Variants in MAGI3 observed in about 807,000 individuals in gnomAD.
MAGI3 encodes the protein membrane associated guanylate kinase, WW and PDZ domain containing 3, also known as membrane-associated guanylate kinase, WW and PDZ domain-containing protein 3.
MAGI3 carries 43 observed loss-of-function variants against 121.8 expected under a neutral mutation model. The observed-to-expected ratio is 0.35, with a 90% CI of 0.28 to 0.46. The LOEUF (loss-of-function observed/expected upper bound fraction) is 0.46, where lower values mean the gene tolerates loss of function less well. MAGI3 is among the 20% of genes least tolerant of loss of function. The probability of loss-of-function intolerance (pLI) is 1.00; values close to 1 mark genes in which losing one functional copy is unlikely to be tolerated. For missense variants in MAGI3, 1,547 were observed against 1,797.3 expected (o/e 0.86, Z 2.52); for synonymous variants, 553 against 639.3 (o/e 0.86, Z 2.04).
At chr1:113,442,193 T>C (rs1456585302) in intron 1 of MAGI3, among the ~76,000 whole-genome samples, 1 of 152,106 alleles carries the variant, frequency 6.6e-6, no homozygotes, top group African/African-American at 2.4e-5. Flanking sequence ...AGAGAGAGCA[T>C]ATATATACTT....
At chr1:113,423,359 C>T (rs1652833354) in intron 1 of MAGI3, among the ~76,000 whole-genome samples, 1 of 151,946 alleles carries the variant, frequency 6.6e-6, no homozygotes, top group Admixed American at 6.5e-5. Context: ...GCAAGCCCCA[C>T]CTCCTGGGTT....
chr1:113,657,585 A>G (rs1362597827), intron 15 of MAGI3, among the ~76,000 whole-genome samples: 6 of 152,220 alleles, frequency 3.9e-5, no homozygotes, highest in Non-Finnish European at 8.8e-5. Flanking sequence ...CAGAGTATCT[A>G]GAAAGAACAC....
At chr1:113,439,210 G>A (rs552736030) in intron 1 of MAGI3, among the ~76,000 whole-genome samples, 1 of 152,318 alleles carries the variant, frequency 6.6e-6, no homozygotes, top group Non-Finnish European at 1.5e-5. Context: ...GGAACAGCAC[G>A]AGATTGCTAC....
intron 1 of MAGI3, among the ~76,000 whole-genome samples, chr1:113,484,735 C>CCCTTCCCTTCCCTTCCCTTA (rs1656292249): frequency 7.8e-6 from 1 of 127,960 alleles, no homozygotes; most frequent in African/African-American, 2.9e-5. Flanking sequence ...CCCTTCCCTT[C>CCCTTCCCTTCCCTTCCCTTA]CCTTCCCTTC....
At chr1:113,478,989 C>G (rs1191438481) in intron 1 of MAGI3, among the ~76,000 whole-genome samples, 1 of 152,312 alleles carries the variant, frequency 6.6e-6, no homozygotes, top group African/African-American at 2.4e-5. Flanking sequence ...GCTGCAGTCT[C>G]TCAGATCAAT....
intron 14 of MAGI3, among the ~76,000 whole-genome samples, chr1:113,652,511 T>C (rs926784948): frequency 7.9e-5 from 12 of 152,172 alleles, no homozygotes; most frequent in African/African-American, 2.7e-4. Flanking sequence ...CTCAATTTGG[T>C]TGTGTTGGAG....
chr1:113,587,435 ATCCG>A (rs1648442865), intron 4 of MAGI3, among the ~76,000 whole-genome samples: 2 of 152,158 alleles, frequency 1.3e-5, no homozygotes, highest in Middle Eastern at 3.2e-3. Context: ...GCCTCTGGTG[ATCCG>A]CCTGCCTTGA....
chr1:113,428,300 T>A (rs1653120222), intron 1 of MAGI3, among the ~76,000 whole-genome samples: 1 of 152,240 alleles, frequency 6.6e-6, no homozygotes, highest in South Asian at 2.1e-4. Flanking sequence ...CTATCTGGAA[T>A]TGGGCATTTT....
intron 1 of MAGI3, among the ~76,000 whole-genome samples, chr1:113,412,118 C>T (rs1244956461): frequency 6.7e-6 from 1 of 148,948 alleles, no homozygotes; most frequent in Non-Finnish European, 1.5e-5. Flanking sequence ...TGAGAACATG[C>T]AGTGTTTGGT....
At chr1:113,516,526 G>T (rs1365386629) in intron 1 of MAGI3, among the ~76,000 whole-genome samples, 1 of 151,410 alleles carries the variant, frequency 6.6e-6, no homozygotes, top group Non-Finnish European at 1.5e-5. Flanking sequence ...AAATAGAATA[G>T]TATTGCATTA....
intron 6 of MAGI3, among the ~76,000 whole-genome samples, chr1:113,595,869 A>G (rs970745643): frequency 2.0e-5 from 3 of 152,124 alleles, no homozygotes; most frequent in Non-Finnish European, 4.4e-5. Context: ...TGTCTCTACT[A>G]AAAGTACAAA....
intron 1 of MAGI3, among the ~76,000 whole-genome samples, chr1:113,462,116 G>A (rs947912747): frequency 1.3e-5 from 2 of 152,162 alleles, no homozygotes; most frequent in Non-Finnish European, 2.9e-5. Context: ...GTTGGTGGGA[G>A]TGTAAGTTAG....
At position 113,483,265 on chromosome 1, in the gene MAGI3, T is replaced by G. The variant is rs1009570281; in HGVS notation, c.317-66250T>G. 2.0e-5 allele frequency among the ~76,000 whole-genome samples: 3 copies of G among 152,218 alleles called. No individual in the cohort carries two copies. The South Asian group carries it at 6.2e-4, about 32-fold the overall frequency. The stretch of plus-strand genomic sequence containing the variant: ...AACTGACTTTTGATGCTCTTTCTTT[T>G]TAGAGGTTGCTGTGGACTGAATGTT... On this transcript the variant is annotated intron_variant, in intron 1 of 20. Coordinates refer to ENST00000307546, the MANE Select transcript of MAGI3 (RefSeq NM_001142782.2).
Position 113,685,358 on chromosome 1 carries a change from C to CTATT in MAGI3, c.*1346_*1349dup, listed in dbSNP as rs1648482320. ...ATAAAGGCACCTTCTGAGAATAAAA[C>CTATT]TATTTTATGGAGTGTGTGAACACAC... On this transcript the variant is annotated 3_prime_UTR_variant, in exon 21 of 21. Transcript: ENST00000307546. 1.3e-5 allele frequency: 2 copies of CTATT among 152,350 alleles called. No homozygotes were observed. The highest frequency in any genetic ancestry group is 1.3e-4 in the Admixed American group (2 of 15,286). 9.4% of individuals were successfully genotyped at this position (152,350 alleles called of 1,614,324 possible).
chr1:113,626,980 C>G (rs1434280696), intron 9 of MAGI3, among the ~76,000 whole-genome samples: 1 of 151,772 alleles, frequency 6.6e-6, no homozygotes, highest in Non-Finnish European at 1.5e-5. Flanking sequence ...TAATCTAGAG[C>G]TTAGTTTTCT....
chr1:113,505,553 A>AATAT (rs1553193303), intron 1 of MAGI3, among the ~76,000 whole-genome samples: 7 of 148,664 alleles, frequency 4.7e-5, no homozygotes, highest in Non-Finnish European at 8.9e-5. Context: ...TAAATAAATA[A>AATAT]ATATATAATG....
intron 1 of MAGI3, among the ~76,000 whole-genome samples, chr1:113,393,876 TTG>T (rs1650955567): frequency 6.6e-6 from 1 of 152,252 alleles, no homozygotes; most frequent in Non-Finnish European, 1.5e-5. Context: ...TAGCACTCTC[TTG>T]TCTTGACTAG....
chr1:113,491,082 A>C (rs1289613622), intron 1 of MAGI3, among the ~76,000 whole-genome samples: 1 of 152,200 alleles, frequency 6.6e-6, no homozygotes, highest in African/African-American at 2.4e-5. Flanking sequence ...ATACATTCTT[A>C]TCATTGTCAC....
At chr1:113,407,800 T>C (rs1651770228) in intron 1 of MAGI3, among the ~76,000 whole-genome samples, 1 of 152,078 alleles carries the variant, frequency 6.6e-6, no homozygotes, top group South Asian at 2.1e-4. Context: ...AAAGTGAAAT[T>C]TGGAAATGGG....
Sources: allele counts gnomAD v4.1 joint callset (sites outside exome capture counted in the v4.1 genomes callset), GRCh38; gene constraint gnomAD v4.1.1; transcripts MANE v1.5; gene names NCBI Gene and HGNC (gene_info 2026-07-23, HGNC 2026-07-21).